AKAP6: variants seen among roughly 807,000 people sequenced by gnomAD.
AKAP6 encodes A-kinase anchor protein 6.
AKAP6 carries 58 observed loss-of-function variants against 188.5 expected under a neutral mutation model. That is an observed-to-expected ratio of 0.31 (90% CI 0.25 to 0.38). AKAP6 has a LOEUF of 0.38. Among genes scored for constraint, AKAP6 ranks in the 10% least tolerant of loss-of-function variants. The pLI is 1.00. For synonymous variants in AKAP6, 989 were observed against 998.6 expected (o/e 0.99, Z 0.18); for missense variants, 2,710 against 2,740.0 (o/e 0.99, Z 0.24).
chr14:32,714,041 G>A (rs1012449782), intron 9 of AKAP6, among the ~76,000 whole-genome samples: 1 of 151,992 alleles, frequency 6.6e-6, no homozygotes, highest in Non-Finnish European at 1.5e-5. Flanking sequence ...GGCCATTGTA[G>A]GATTATTACT....
chr14:32,531,843 A>G (rs193270473), intron 2 of AKAP6, among the ~76,000 whole-genome samples: 19 of 152,230 alleles, frequency 1.2e-4, no homozygotes, highest in Non-Finnish European at 1.5e-5. Flanking sequence ...AAACTGCTGC[A>G]TAGTGTATAG....
At chr14:32,619,404 C>T (rs1188942973) in intron 7 of AKAP6, among the ~76,000 whole-genome samples, 3 of 152,088 alleles carry the variant, frequency 2.0e-5, no homozygotes, top group Admixed American at 2.0e-4. Flanking sequence ...CTTTGGCTAT[C>T]CAGTTTTCCC....
chr14:32,403,978 G>A (rs984145929), intron 1 of AKAP6, among the ~76,000 whole-genome samples: 7 of 152,082 alleles, frequency 4.6e-5, no homozygotes, highest in African/African-American at 1.7e-4. Flanking sequence ...TCTTTCTTGT[G>A]TTTGCTTGGC....
chr14:32,697,391 A>G (rs1438962250), intron 9 of AKAP6, among the ~76,000 whole-genome samples: 1 of 152,222 alleles, frequency 6.6e-6, no homozygotes, highest in African/African-American at 2.4e-5. Context: ...CACATTAACA[A>G]CACAGCTATC....
chr14:32,801,344 A>G (rs1350593025), intron 12 of AKAP6, among the ~76,000 whole-genome samples: 1 of 152,112 alleles, frequency 6.6e-6, no homozygotes, highest in Non-Finnish European at 1.5e-5. Context: ...TGCCATAAAC[A>G]TTTTAAACAA....
intron 2 of AKAP6, among the ~76,000 whole-genome samples, chr14:32,463,635 A>T (rs930894359): frequency 6.6e-6 from 1 of 152,236 alleles, no homozygotes; most frequent in African/African-American, 2.4e-5. Context: ...CTAAATGCCC[A>T]CAGGATAAGG....
At chr14:32,591,385 C>T (rs1433177693) in intron 5 of AKAP6, among the ~76,000 whole-genome samples, 4 of 151,706 alleles carry the variant, frequency 2.6e-5, no homozygotes, top group African/African-American at 9.7e-5. Flanking sequence ...TTCAGGATCT[C>T]TCCCTTCTAT....
intron 9 of AKAP6, among the ~76,000 whole-genome samples, chr14:32,707,990 A>G (rs1341822317): frequency 1.3e-5 from 2 of 152,048 alleles, no homozygotes; most frequent in Non-Finnish European, 2.9e-5. Context: ...TGGTACAGAA[A>G]TCCACAACTA....
At chr14:32,499,328 C>CAAAAAAAAAAAAAA in intron 2 of AKAP6, among the ~76,000 whole-genome samples, 1 of 111,064 alleles carries the variant, frequency 9.0e-6, no homozygotes, top group East Asian at 2.7e-4. Context: ...AGTGTAACAG[C>CAAAAAAAAAAAAAA]AAAAAAAAAA....
intron 12 of AKAP6, among the ~76,000 whole-genome samples, chr14:32,781,930 A>C (rs1422802341): frequency 2.0e-5 from 3 of 152,222 alleles, no homozygotes; most frequent in African/African-American, 7.2e-5. Context: ...TGGGAGGCCG[A>C]GGTGGGTGGA....
At chr14:32,462,052 C>CA (rs1441240721) in intron 2 of AKAP6, among the ~76,000 whole-genome samples, 1 of 151,986 alleles carries the variant, frequency 6.6e-6, no homozygotes, top group Non-Finnish European at 1.5e-5. Context: ...AAGGAATGAA[C>CA]AAAGCCTTCA....
chr14:32,363,075 T>G (rs1344538188), intron 1 of AKAP6, among the ~76,000 whole-genome samples: 1 of 152,176 alleles, frequency 6.6e-6, no homozygotes, highest in Non-Finnish European at 1.5e-5. Context: ...AAAACACATG[T>G]TCCCCTCACA....
At chr14:32,421,879 A>G (rs1889861379) in intron 1 of AKAP6, among the ~76,000 whole-genome samples, 1 of 152,182 alleles carries the variant, frequency 6.6e-6, no homozygotes, top group Non-Finnish European at 1.5e-5. Context: ...CTCCCAGTGT[A>G]TGAGGAGCCA....
At chr14:32,462,377 A>C (rs1045152296) in intron 2 of AKAP6, among the ~76,000 whole-genome samples, 26 of 152,358 alleles carry the variant, frequency 1.7e-4, no homozygotes, top group African/African-American at 6.0e-4. Flanking sequence ...CTAACAGCAG[A>C]TCCCTCTGCA....
At chr14:32,393,620 A>C (rs1414192178) in intron 1 of AKAP6, among the ~76,000 whole-genome samples, 2 of 152,154 alleles carry the variant, frequency 1.3e-5, no homozygotes, top group Non-Finnish European at 2.9e-5. Context: ...CTAGGTGAAG[A>C]GTTTACTGGA....
At chr14:32,358,051 C>G (rs1373838018) in intron 1 of AKAP6, among the ~76,000 whole-genome samples, 2 of 152,228 alleles carry the variant, frequency 1.3e-5, no homozygotes, top group Non-Finnish European at 2.9e-5. Context: ...TGAAACCACA[C>G]TAGACCATTG....
chr14:32,687,157 A>G (rs1223128229), intron 8 of AKAP6, among the ~76,000 whole-genome samples: 10 of 152,236 alleles, frequency 6.6e-5, no homozygotes, highest in Non-Finnish European at 1.5e-4. Context: ...GAAAGTATAT[A>G]CAAATATAAC....
At chr14:32,513,555 T>C (rs549483343) in intron 2 of AKAP6, among the ~76,000 whole-genome samples, 28 of 152,230 alleles carry the variant, frequency 1.8e-4, no homozygotes, top group Non-Finnish European at 3.2e-4. Context: ...TATAATTCAG[T>C]TGCCTGCTTT....
chr14:32,677,689 A>G (rs1012239544), intron 7 of AKAP6, among the ~76,000 whole-genome samples: 4 of 152,244 alleles, frequency 2.6e-5, no homozygotes, highest in African/African-American at 9.6e-5. Flanking sequence ...AGAAAACAGC[A>G]TGGTGAACTT....
Sources: gnomAD v4.1 joint callset for allele counts (sites outside exome capture counted in the v4.1 genomes callset) on GRCh38, gnomAD v4.1.1 for gene constraint, MANE v1.5 for transcripts, NCBI Gene and HGNC (gene_info 2026-07-23, HGNC 2026-07-21) for gene names.